Variants in FER observed in about 807,000 individuals in gnomAD.
FER encodes tyrosine-protein kinase Fer.
A neutral mutation model predicts 111.0 loss-of-function variants in FER; 63 were observed. The observed-to-expected ratio is 0.57, with a 90% CI of 0.46 to 0.70. The LOEUF (loss-of-function observed/expected upper bound fraction) is 0.70, where lower values mean the gene tolerates loss of function less well. Ranked by LOEUF, FER falls within the 30% of genes least tolerant of loss-of-function variation. FER has a pLI of 0.00. For synonymous variants in FER, 327 were observed against 313.9 expected (o/e 1.04, Z -0.44); for missense variants, 914 against 954.0 (o/e 0.96, Z 0.55).
intron 3 of FER, among the ~76,000 whole-genome samples, chr5:108,805,719 T>G (rs1013324100): frequency 6.6e-6 from 1 of 152,066 alleles, no homozygotes; most frequent in Non-Finnish European, 1.5e-5. Context: ...CCCTAGAGAT[T>G]TATCGAAATT....
At chr5:109,071,252 A>G (rs1459128397) in intron 16 of FER, among the ~76,000 whole-genome samples, 1 of 151,958 alleles carries the variant, frequency 6.6e-6, no homozygotes, top group African/African-American at 2.4e-5. Flanking sequence ...CTTGTTTTTC[A>G]TCATCTTTGA....
chr5:109,041,163 A>T (rs546747687), intron 14 of FER, among the ~76,000 whole-genome samples: 23 of 152,148 alleles, frequency 1.5e-4, no homozygotes, highest in Non-Finnish European at 3.1e-4. Context: ...TTTAAAGTTA[A>T]ATCAGTCAGC....
chr5:108,829,373 C>CCCAA (rs1337296110), intron 3 of FER, among the ~76,000 whole-genome samples: 2 of 152,158 alleles, frequency 1.3e-5, no homozygotes, highest in Non-Finnish European at 2.9e-5. Flanking sequence ...CATGGTGGCT[C>CCCAA]ACACCTGTAA....
chr5:108,868,060 G>A lies in FER; in HGVS notation c.665+110G>A, dbSNP rs376594651. ...AAGTTTTATTATTAACCCAGTCCAGGGGGTATTTCAGACCTTGATTCTTCT... is the reference window on the plus strand; with the variant it reads ...AAGTTTTATTATTAACCCAGTCCAGAGGGTATTTCAGACCTTGATTCTTCT... On this transcript the variant is annotated intron_variant, in intron 6 of 19. Transcript: ENST00000281092. The A allele has an allele frequency of 6.0e-6, 6 of 993,690 alleles. No homozygotes were observed. The African/African-American group carries it at 8.3e-5, about 14-fold the overall frequency. 61.6% of individuals were successfully genotyped at this position (993,690 alleles called of 1,614,324 possible). A position where few individuals can be genotyped will look rare whatever the true frequency, so the allele number is the denominator to read the frequency against.
In FER at chr5:108,897,648, T is replaced by C. The variant is rs750521149; in HGVS notation, c.1047-11T>C. The C allele has an allele frequency of 6.6e-7, 1 of 1,517,438 alleles. No individual in the cohort carries two copies. Among genetic ancestry groups the C allele is most frequent in the Admixed American group, 2.3e-5 (1 of 44,036 alleles). 94.0% of individuals were successfully genotyped at this position (1,517,438 alleles called of 1,614,324 possible). A position where few individuals can be genotyped will look rare whatever the true frequency, so the allele number is the denominator to read the frequency against. Reference sequence around the variant, plus strand: ...ATGAAGTTGAAATCATTTATATTTATTCTCTTTTAGTATTGTGCTTCTGCT... The same window carrying C: ...ATGAAGTTGAAATCATTTATATTTACTCTCTTTTAGTATTGTGCTTCTGCT... On this transcript the variant is annotated splice_polypyrimidine_tract_variant and intron_variant, in intron 9 of 19. Coordinates refer to ENST00000281092, the MANE Select transcript of FER (RefSeq NM_005246.4).
intron 3 of FER, among the ~76,000 whole-genome samples, chr5:108,813,165 T>C (rs1203102150): frequency 6.6e-6 from 1 of 152,172 alleles, no homozygotes; most frequent in African/African-American, 2.4e-5. Flanking sequence ...TCCTTTGTTT[T>C]TGAAAACAAT....
At chr5:108,909,541 T>G (rs1455655774) in intron 10 of FER, among the ~76,000 whole-genome samples, 1 of 152,154 alleles carries the variant, frequency 6.6e-6, no homozygotes, top group Non-Finnish European at 1.5e-5. Context: ...TCAGTTACAC[T>G]TCTATTCTAT....
intron 13 of FER, among the ~76,000 whole-genome samples, chr5:109,001,289 T>C (rs1325436951): frequency 6.6e-6 from 1 of 152,160 alleles, no homozygotes; most frequent in African/African-American, 2.4e-5. Flanking sequence ...TCCACCATGA[T>C]CAAGTGGGCT....
intron 17 of FER, among the ~76,000 whole-genome samples, chr5:109,161,834 G>A (rs1756021313): frequency 6.6e-6 from 1 of 152,102 alleles, no homozygotes; most frequent in Admixed American, 6.5e-5. Flanking sequence ...AGGTCTTTGA[G>A]GAATCGCCAC....
intron 9 of FER, among the ~76,000 whole-genome samples, chr5:108,887,867 G>T (rs1325527374): frequency 1.3e-5 from 2 of 151,748 alleles, no homozygotes; most frequent in South Asian, 2.1e-4. Flanking sequence ...TGACTTGGTG[G>T]CATAAAGAGC....
At chr5:108,847,684 ACT>A (rs1243537843) in intron 5 of FER, among the ~76,000 whole-genome samples, 22 of 152,130 alleles carry the variant, frequency 1.4e-4, no homozygotes, top group Admixed American at 1.4e-3. Flanking sequence ...GTCTTTTGAA[ACT>A]ATTATTGGTA....
chr5:109,007,446 A>G (rs1003252767), intron 13 of FER, among the ~76,000 whole-genome samples: 3 of 120,440 alleles, frequency 2.5e-5, no homozygotes, highest in African/African-American at 8.4e-5. Context: ...AGCTCCCAAA[A>G]TTATTCTATG....
chr5:108,793,937 C>T (rs889337499), intron 2 of FER, among the ~76,000 whole-genome samples: 3 of 152,102 alleles, frequency 2.0e-5, no homozygotes, highest in African/African-American at 4.8e-5. Flanking sequence ...AACTTTGACC[C>T]CTCTCCGCTT....
chr5:108,985,992 A>C (rs529951419), intron 13 of FER, among the ~76,000 whole-genome samples: 2 of 152,302 alleles, frequency 1.3e-5, no homozygotes, highest in Non-Finnish European at 2.9e-5. Flanking sequence ...TTCTACTTTT[A>C]CTTCTTTAAG....
At chr5:108,966,640 CCTCCCAAAGTG>C (rs1465714966) in intron 13 of FER, among the ~76,000 whole-genome samples, 1 of 152,060 alleles carries the variant, frequency 6.6e-6, no homozygotes, top group East Asian at 1.9e-4. Flanking sequence ...CCCACCTCAG[CCTCCCAAAGTG>C]CTGGGATTAC....
At chr5:109,079,824 T>C (rs1776783223) in intron 16 of FER, among the ~76,000 whole-genome samples, 1 of 152,114 alleles carries the variant, frequency 6.6e-6, no homozygotes, top group Non-Finnish European at 1.5e-5. Flanking sequence ...TCAGACATCA[T>C]AGCCAAGCCA....
chr5:108,881,166 T>C (rs1336384395), intron 8 of FER, among the ~76,000 whole-genome samples: 2 of 152,140 alleles, frequency 1.3e-5, no homozygotes, highest in African/African-American at 2.4e-5. Flanking sequence ...CACATAAATA[T>C]ATTGTATTAG....
At chr5:109,177,976 AGTGT>A (rs1442172739) in intron 17 of FER, among the ~76,000 whole-genome samples, 1 of 152,204 alleles carries the variant, frequency 6.6e-6, no homozygotes, top group Non-Finnish European at 1.5e-5. Context: ...TGGGAGTACT[AGTGT>A]GTCTCCCAAA....
intron 17 of FER, among the ~76,000 whole-genome samples, chr5:109,150,382 T>C (rs1163580667): frequency 6.6e-6 from 1 of 152,136 alleles, no homozygotes; most frequent in Non-Finnish European, 1.5e-5. Context: ...TTATTTCCTT[T>C]AGGTTCCAGT....
Sources: allele counts gnomAD v4.1 joint callset (sites outside exome capture counted in the v4.1 genomes callset), GRCh38; gene constraint gnomAD v4.1.1; transcripts MANE v1.5; gene names NCBI Gene and HGNC (gene_info 2026-07-23, HGNC 2026-07-21).